The following MIDEAS variants were observed in gnomAD, a reference collection of about 807,000 sequenced individuals.
The protein encoded by MIDEAS is mitotic deacetylase-associated SANT domain protein.
Under a neutral mutation model 102.7 loss-of-function variants are expected in MIDEAS, and 26 were observed. The ratio of observed to expected loss-of-function variants is 0.25; its 90% CI spans 0.19 to 0.35. The LOEUF (loss-of-function observed/expected upper bound fraction) is 0.35. MIDEAS is among the 10% of genes least tolerant of loss of function. The pLI is 1.00. For missense variants in MIDEAS, 1,231 were observed against 1,435.6 expected (o/e 0.86, Z 2.30); for synonymous variants, 585 against 591.0 (o/e 0.99, Z 0.15).
intron 1 of MIDEAS, among the ~76,000 whole-genome samples, chr14:73,782,085 C>T (rs146039318): frequency 5.7e-4 from 86 of 152,078 alleles, no homozygotes; most frequent in Middle Eastern, 3.4e-3. Flanking sequence ...TAAAACAAAA[C>T]GTTAAAAGAA....
chr14:73,721,570 A>G (rs2140095496), intron 10 of MIDEAS, 61 bp from the exon 11 acceptor site: 1 of 1,523,080 alleles, frequency 6.6e-7, no homozygotes, highest in East Asian at 2.3e-5. Flanking sequence ...TGTAGCACAG[A>G]TTCTGACCCG....
intron 1 of MIDEAS, among the ~76,000 whole-genome samples, chr14:73,784,339 G>T (rs1221658230): frequency 6.6e-6 from 1 of 152,208 alleles, no homozygotes; most frequent in Non-Finnish European, 1.5e-5. Flanking sequence ...TGAATGCAGA[G>T]GCAAAGCTGA....
intron 1 of MIDEAS, among the ~76,000 whole-genome samples, chr14:73,778,898 T>C (rs1006793421): frequency 1.3e-5 from 2 of 152,128 alleles, no homozygotes; most frequent in African/African-American, 2.4e-5. Context: ...CATATGATGA[T>C]TTCCTAACTT....
At chr14:73,784,534 T>C (rs1285985881) in intron 1 of MIDEAS, among the ~76,000 whole-genome samples, 1 of 152,114 alleles carries the variant, frequency 6.6e-6, no homozygotes, top group African/African-American at 2.4e-5. Context: ...GCACTTTTAG[T>C]CTCTGTAAAT....
At chr14:73,744,228 A>G (rs2053320514) in intron 1 of MIDEAS, among the ~76,000 whole-genome samples, 1 of 152,156 alleles carries the variant, frequency 6.6e-6, no homozygotes, top group Non-Finnish European at 1.5e-5. Context: ...CTGCACACCC[A>G]ACACTGGCTG....
chr14:73,747,021 C>A (rs1200706778), intron 1 of MIDEAS, among the ~76,000 whole-genome samples: 1 of 152,160 alleles, frequency 6.6e-6, no homozygotes, highest in Non-Finnish European at 1.5e-5. Flanking sequence ...AGCTCCCTGA[C>A]TTTGAGCCTC....
At position 73,750,533 on chromosome 14, in the gene MIDEAS, T is replaced by C. The variant is rs571837683; in HGVS notation, c.-248+9230A>G. The stretch of plus-strand genomic sequence containing the variant: ...CAAGAGAGCCCAAAGGGTGTTGAGG[T>C]ATGGGGGACTGCAGAGGTGAGCTGG... On this transcript the variant is annotated intron_variant, in intron 1 of 12. Transcript: ENST00000423556. Among the ~76,000 whole-genome samples the C allele has an allele frequency of 2.0e-5, 3 of 152,234 alleles. No homozygotes were observed. The South Asian group carries it at 6.2e-4, about 32-fold the overall frequency.
upstream of MIDEAS, among the ~76,000 whole-genome samples, chr14:73,761,214 G>A (rs1447680290): frequency 2.0e-5 from 3 of 152,140 alleles, no homozygotes; most frequent in Non-Finnish European, 4.4e-5. Flanking sequence ...TCAAAACACT[G>A]TGGCCAGACC....
intron 1 of MIDEAS, among the ~76,000 whole-genome samples, chr14:73,752,212 C>T (rs1380932442): frequency 6.6e-6 from 1 of 152,232 alleles, no homozygotes; most frequent in African/African-American, 2.4e-5. Flanking sequence ...ACCTCAATTT[C>T]ATGGCTCATA....
chr14:73,727,384 C>A (rs1295001917), intron 5 of MIDEAS, 74 bp downstream of exon 5: 29 of 1,529,004 alleles, frequency 1.9e-5, no homozygotes, highest in Non-Finnish European at 2.3e-5. Flanking sequence ...TCCTGTTGCT[C>A]CCAGGGCCCA....
chr14:73,786,387 G>A (rs544432363), intron 1 of MIDEAS, among the ~76,000 whole-genome samples: 9 of 152,178 alleles, frequency 5.9e-5, no homozygotes, highest in Non-Finnish European at 1.2e-4. Flanking sequence ...CGCTGGAAGC[G>A]GGTTTCTGAG....
At position 73,759,041 on chromosome 14, in the gene MIDEAS, G is replaced by A. The variant is rs117180819; in HGVS notation, c.-248+722C>T. On this transcript the variant is annotated intron_variant, in intron 1 of 12. Coordinates refer to ENST00000423556, the MANE Select transcript of MIDEAS (RefSeq NM_001367710.1). This position sits in a 1 kb window ranked among gnomAD's most constrained non-coding sequence, Gnocchi z 6.7. Reference sequence around the variant, plus strand: ...GGAACACAGCTCCCCGCGAGGCACCGCGCGGGCTGGGAGGGCTGCGGCGGC... The same window carrying A: ...GGAACACAGCTCCCCGCGAGGCACCACGCGGGCTGGGAGGGCTGCGGCGGC... Among the ~76,000 whole-genome samples the A allele has an allele frequency of 0.044, 6,666 of 152,256 alleles. 283 individuals are homozygous for A. Among genetic ancestry groups the A allele is most frequent in the Admixed American group, 0.13 (2,009 of 15,300 alleles).
Position 73,719,424 on chromosome 14 carries a change from TG to T in MIDEAS, c.3014del (p.Pro1005GlnfsTer46). ...TTCGTGACTTCCCTGTCCCTTCCCT[TG>T]GCTTCTCCGAGGCCTGGCCACCGGC... ...GSAGGQASEK[P>X]REGTGKSRRA... is the part of the protein sequence containing the mutation. On this transcript the variant is annotated frameshift_variant, in exon 12 of 13. Transcript: ENST00000423556. LOFTEE classifies it high-confidence loss of function. The T allele has an allele frequency of 2.5e-6, 4 of 1,614,030 alleles. No homozygotes were observed. Among genetic ancestry groups the T allele is most frequent in the Non-Finnish European group, 3.4e-6 (4 of 1,179,988 alleles).
At chr14:73,734,578 T>TTTG (rs1013744508) in intron 3 of MIDEAS, among the ~76,000 whole-genome samples, 4 of 151,824 alleles carry the variant, frequency 2.6e-5, no homozygotes, top group Non-Finnish European at 4.4e-5. Context: ...CAGCTAATCT[T>TTTG]TTGTTGTTGT....
Position 73,726,771 on chromosome 14 carries a change from G to A in MIDEAS, c.2305+59C>T, listed in dbSNP as rs1285865278. On this transcript the variant is annotated intron_variant, in intron 6 of 12. Coordinates refer to ENST00000423556, the MANE Select transcript of MIDEAS (RefSeq NM_001367710.1). ...CACGTTCAGGGCGGGGCTGGGCAGG[G>A]TGAGGCCTGGCCCACCCATGTGCCT... The A allele has an allele frequency of 4.3e-6, 7 of 1,610,354 alleles. No homozygotes were observed. The African/African-American group carries it at 9.3e-5, about 22-fold the overall frequency.
chr14:73,786,519 G>GGGGA (rs2053811082), intron 1 of MIDEAS, among the ~76,000 whole-genome samples: 2 of 152,226 alleles, frequency 1.3e-5, no homozygotes, highest in Non-Finnish European at 2.9e-5. Context: ...AAGGGTAAAG[G>GGGGA]GGGAGTCAGG....
chr14:73,741,847 T>C (rs1189717078), intron 1 of MIDEAS, among the ~76,000 whole-genome samples: 1 of 152,052 alleles, frequency 6.6e-6, no homozygotes, highest in African/African-American at 2.4e-5. Context: ...TGTGCAGCCT[T>C]TGTCTTTTCA....
In MIDEAS at chr14:73,777,632, G is replaced by C. The variant is rs1417512619; in HGVS notation, c.-248+9470C>G. On this transcript the variant is annotated intron_variant, in intron 1 of 11. Coordinates refer to the MIDEAS transcript ENST00000394071. ...CTGCTCCCTGTACCTAGAATGCCCTGACTCCTTTTGCCACCTGGTGGATGC... is the reference window on the plus strand; with the variant it reads ...CTGCTCCCTGTACCTAGAATGCCCTCACTCCTTTTGCCACCTGGTGGATGC... Among the ~76,000 whole-genome samples, 4 of 151,946 alleles carry C rather than the reference G, an allele frequency of 2.6e-5. No individual in the cohort carries two copies. In the East Asian group the frequency reaches 7.8e-4, roughly 30 times the overall value.
intron 1 of MIDEAS, among the ~76,000 whole-genome samples, chr14:73,749,721 G>C (rs1029163303): frequency 2.0e-5 from 3 of 151,968 alleles, no homozygotes; most frequent in Non-Finnish European, 4.4e-5. Flanking sequence ...ATCAAAACGG[G>C]TTGAAATTGG....
Sources: allele counts gnomAD v4.1 joint callset (sites outside exome capture counted in the v4.1 genomes callset), GRCh38; gene constraint gnomAD v4.1.1; non-coding constraint Gnocchi (gnomAD v3.1); transcripts MANE v1.5; gene names NCBI Gene and HGNC (gene_info 2026-07-23, HGNC 2026-07-21).